NELL2: variants seen among roughly 807,000 people sequenced by gnomAD.
The protein encoded by NELL2 is protein kinase C-binding protein NELL2.
A neutral mutation model predicts 109.6 loss-of-function variants in NELL2; 41 were observed. The ratio of observed to expected loss-of-function variants is 0.37; its 90% CI spans 0.29 to 0.49. The LOEUF (loss-of-function observed/expected upper bound fraction) is 0.49. Among genes scored for constraint, NELL2 ranks in the 20% least tolerant of loss-of-function variants. NELL2 has a pLI of 0.98. For synonymous variants in NELL2, 355 were observed against 344.7 expected, an observed-to-expected ratio of 1.03 and a Z score of -0.33; for missense variants, 900 against 1,008.3, an observed-to-expected ratio of 0.89 and a Z score of 1.45.
At chr12:44,714,935 G>A (rs1396033120) in intron 9 of NELL2, among the ~76,000 whole-genome samples, 194 bp from the exon 10 acceptor site, 1 of 151,786 alleles carries the variant, frequency 6.6e-6, no homozygotes, top group Non-Finnish European at 1.5e-5. Flanking sequence ...AGTTGAGAGA[G>A]TAAAATAAGA....
At chr12:44,613,839 A>C (rs1945717239) in intron 13 of NELL2, among the ~76,000 whole-genome samples, 1 of 152,034 alleles carries the variant, frequency 6.6e-6, no homozygotes, top group Non-Finnish European at 1.5e-5. Context: ...TTTTGGTCAA[A>C]TGTCAATTTC....
chr12:44,764,111 CA>C (rs1941234244), intron 9 of NELL2, among the ~76,000 whole-genome samples: 1 of 152,092 alleles, frequency 6.6e-6, no homozygotes, highest in South Asian at 2.1e-4. Flanking sequence ...AAAAGTTTTT[CA>C]AAAAGCTTTT....
chr12:44,533,364 A>G (rs1942169080), intron 15 of NELL2, among the ~76,000 whole-genome samples: 1 of 152,116 alleles, frequency 6.6e-6, no homozygotes, highest in African/African-American at 2.4e-5. Context: ...AAGTATACAT[A>G]TTATTTATGT....
chr12:44,813,423 G>A (rs947589729), intron 3 of NELL2, among the ~76,000 whole-genome samples: 3 of 151,872 alleles, frequency 2.0e-5, no homozygotes, highest in African/African-American at 7.3e-5. Flanking sequence ...TAATTTCCTA[G>A]ATAAATTCAT....
At chr12:44,730,679 TAGAA>T (rs1939322629) in intron 9 of NELL2, among the ~76,000 whole-genome samples, 1 of 151,428 alleles carries the variant, frequency 6.6e-6, no homozygotes, top group Admixed American at 6.6e-5. Context: ...CATTTAAAAA[TAGAA>T]AGATCTCAAA....
intron 9 of NELL2, among the ~76,000 whole-genome samples, chr12:44,743,475 C>T (rs889776639): frequency 6.7e-6 from 1 of 149,888 alleles, no homozygotes; most frequent in Admixed American, 6.7e-5. Flanking sequence ...TGTTAATGGG[C>T]TAAATGCCCC....
intron 15 of NELL2, among the ~76,000 whole-genome samples, chr12:44,546,801 G>T (rs771600013): frequency 6.6e-6 from 1 of 152,092 alleles, no homozygotes; most frequent in Non-Finnish European, 1.5e-5. Context: ...CTGAGTATTT[G>T]ATCTTACAGA....
chr12:44,562,890 C>T (rs1188930357), intron 15 of NELL2, among the ~76,000 whole-genome samples: 1 of 152,136 alleles, frequency 6.6e-6, no homozygotes, highest in Non-Finnish European at 1.5e-5. Context: ...CAGCACTGTT[C>T]ACAATAGCAA....
chr12:44,734,546 C>T (rs1322043972), intron 9 of NELL2, among the ~76,000 whole-genome samples: 3 of 151,580 alleles, frequency 2.0e-5, no homozygotes, highest in Admixed American at 2.0e-4. Context: ...TTTTTGTCCC[C>T]CCTGCTTTTA....
rs141722945 is a variant in NELL2 at position 44,875,820 on chromosome 12, C to T, written c.50G>A (p.Gly17Glu). Residue 17 changes from glycine to glutamate, a missense_variant, in exon 1 of 20, where the codon GGA (glycine) becomes GAA (glutamate). Around this residue, in one of 4 missense-constraint regions of NELL2, gnomAD observed 200 missense variants for 191.8 expected, o/e 1.04. Transcript: ENST00000429094. ...LRTFCLIFGLGAVWGLGVDPS... is the reference protein window; with the variant it reads ...LRTFCLIFGLEAVWGLGVDPS... ...CCAGCTCTGCGGCCACTCACCTGCTCCGAGACCGAAGATCAAACAGAATGT... is the reference window on the plus strand; with the variant it reads ...CCAGCTCTGCGGCCACTCACCTGCTTCGAGACCGAAGATCAAACAGAATGT... 1 of 1,613,868 alleles carries T rather than the reference C, an allele frequency of 6.2e-7. No homozygotes were observed. The highest frequency in any genetic ancestry group is 1.7e-5 in the Admixed American group (1 of 60,020).
chr12:44,682,586 G>A (rs1592325187), intron 12 of NELL2, among the ~76,000 whole-genome samples: 1 of 152,056 alleles, frequency 6.6e-6, no homozygotes, highest in East Asian at 1.9e-4. Context: ...ATCTTGAATT[G>A]ATTTTTGTAT....
At chr12:44,536,240 C>A (rs1041534268) in intron 15 of NELL2, among the ~76,000 whole-genome samples, 2 of 151,816 alleles carry the variant, frequency 1.3e-5, no homozygotes, top group African/African-American at 4.8e-5. Context: ...TCAGTAAATA[C>A]TTAGTAAATA....
chr12:44,743,945 C>T (rs977079264), intron 9 of NELL2, among the ~76,000 whole-genome samples: 66 of 152,144 alleles, frequency 4.3e-4, no homozygotes, highest in Middle Eastern at 3.4e-3. Flanking sequence ...CTGCACCAAG[C>T]GGACCTAATA....
chr12:44,607,974 T>A (rs1039603574), intron 14 of NELL2, among the ~76,000 whole-genome samples: 2 of 152,074 alleles, frequency 1.3e-5, no homozygotes, highest in African/African-American at 4.8e-5. Context: ...GCAAGGGCGA[T>A]CTCTTGAAAT....
At chr12:44,662,520 G>T (rs1947781655) in intron 13 of NELL2, among the ~76,000 whole-genome samples, 1 of 152,110 alleles carries the variant, frequency 6.6e-6, no homozygotes, top group Non-Finnish European at 1.5e-5. Flanking sequence ...AAACTTAAGG[G>T]ATTTAACCAG....
At chr12:44,580,069 A>C (rs1459119861) in intron 15 of NELL2, among the ~76,000 whole-genome samples, 1 of 152,192 alleles carries the variant, frequency 6.6e-6, no homozygotes, top group Non-Finnish European at 1.5e-5. Context: ...GGGATGGCTA[A>C]ACTGTTTTTT....
At chr12:44,525,630 T>C (rs1193586202) in intron 16 of NELL2, among the ~76,000 whole-genome samples, 1 of 152,228 alleles carries the variant, frequency 6.6e-6, no homozygotes, top group African/African-American at 2.4e-5. Context: ...GTATTCTGCT[T>C]TGAAAAACCT....
intron 15 of NELL2, among the ~76,000 whole-genome samples, chr12:44,597,758 G>T (rs1945023961): frequency 6.6e-6 from 1 of 152,116 alleles, no homozygotes; most frequent in Non-Finnish European, 1.5e-5. Context: ...ATACTCCAGT[G>T]GGAGGGAATG....
chr12:44,575,612 G>A (rs187159458), intron 15 of NELL2, among the ~76,000 whole-genome samples: 2 of 152,334 alleles, frequency 1.3e-5, no homozygotes, highest in East Asian at 3.9e-4. Flanking sequence ...TGTAGGGGAT[G>A]TGGAAATGTG....
Sources: allele counts gnomAD v4.1 joint callset (sites outside exome capture counted in the v4.1 genomes callset), GRCh38; gene constraint gnomAD v4.1.1; regional missense constraint gnomAD v4.1.1; transcripts MANE v1.5; gene names NCBI Gene and HGNC (gene_info 2026-07-23, HGNC 2026-07-21).